The following SYCP1 variants were observed in gnomAD, a reference collection of about 807,000 sequenced individuals.
SYCP1 encodes the protein synaptonemal complex protein 1, also known as cancer/testis antigen 8.
SYCP1 carries 64 observed loss-of-function variants against 153.1 expected under a neutral mutation model. The ratio of observed to expected loss-of-function variants is 0.42; its 90% CI spans 0.34 to 0.51. The LOEUF (loss-of-function observed/expected upper bound fraction) is 0.51. Ranked by LOEUF, SYCP1 falls within the 20% of genes least tolerant of loss-of-function variation. The probability of loss-of-function intolerance (pLI) is 0.06; values close to 1 mark genes in which losing one functional copy is unlikely to be tolerated. For missense variants in SYCP1, 997 were observed against 1,049.0 expected (o/e 0.95, Z 0.68); for synonymous variants, 384 against 341.8 (o/e 1.12, Z -1.36).
chr1:114,943,363 G>T (rs1263534581), intron 23 of SYCP1, among the ~76,000 whole-genome samples: 2 of 151,716 alleles, frequency 1.3e-5, no homozygotes, highest in Non-Finnish European at 3.0e-5. Flanking sequence ...CTGAACAATT[G>T]ATTACATAAA....
At chr1:114,866,702 G>GT (rs1664769918) in intron 8 of SYCP1, among the ~76,000 whole-genome samples, 1 of 151,648 alleles carries the variant, frequency 6.6e-6, no homozygotes, top group Admixed American at 6.6e-5. Context: ...GAGAGCAGAA[G>GT]TTTTTAATTT....
At chr1:114,992,326 C>T (rs1673979308) in intron 30 of SYCP1, among the ~76,000 whole-genome samples, 2 of 151,396 alleles carry the variant, frequency 1.3e-5, no homozygotes, top group African/African-American at 4.8e-5. Context: ...TGCAAAGGGC[C>T]CCAAAAGGCT....
At chr1:114,963,163 T>C (rs142458120) in intron 27 of SYCP1, among the ~76,000 whole-genome samples, 145 of 152,316 alleles carry the variant, frequency 9.5e-4, no homozygotes, top group African/African-American at 3.3e-3. Flanking sequence ...TACGATCTTT[T>C]GCGATGAATT....
intron 27 of SYCP1, among the ~76,000 whole-genome samples, chr1:114,958,614 T>C (rs1256586320): frequency 6.6e-6 from 1 of 151,936 alleles, no homozygotes; most frequent in East Asian, 1.9e-4. Context: ...TTTTTATTAT[T>C]CAGTTTTAAA....
intron 9 of SYCP1, 140 bp downstream of exon 9, chr1:114,874,704 A>T (rs1407576223): frequency 5.7e-6 from 3 of 526,606 alleles, no homozygotes; most frequent in East Asian, 3.4e-5. Context: ...TCACTAATAA[A>T]ATTCCTAAGG....
intron 16 of SYCP1, among the ~76,000 whole-genome samples, chr1:114,901,094 C>T (rs1489634418): frequency 1.3e-5 from 2 of 152,080 alleles, no homozygotes; most frequent in East Asian, 1.9e-4. Context: ...TATGTAACTA[C>T]ATAGGCAGAA....
chr1:114,871,561 TTTTG>T (rs770983391), intron 8 of SYCP1, among the ~76,000 whole-genome samples: 5 of 152,100 alleles, frequency 3.3e-5, no homozygotes, highest in Admixed American at 2.6e-4. Context: ...GTTGCTATTT[TTTTG>T]TTTGTTTGTC....
chr1:114,858,848 G>T (rs915893256), intron 6 of SYCP1, 137 bp downstream of exon 6: 37 of 764,488 alleles, frequency 4.8e-5, no homozygotes, highest in Non-Finnish European at 7.7e-5. Flanking sequence ...CTTTTTAAAA[G>T]TTACATCAAT....
At chr1:114,960,975 T>C (rs555765966) in intron 27 of SYCP1, among the ~76,000 whole-genome samples, 13 of 152,222 alleles carry the variant, frequency 8.5e-5, no homozygotes, top group Non-Finnish European at 1.5e-4. Context: ...TGAATCCATC[T>C]GGTCCTGAAC....
intron 27 of SYCP1, among the ~76,000 whole-genome samples, chr1:114,952,305 C>T (rs1284107929): frequency 6.6e-6 from 1 of 152,326 alleles, no homozygotes; most frequent in African/African-American, 2.4e-5. Flanking sequence ...AGTTTCTCTG[C>T]ATCCTTACCA....
At chr1:114,858,283 G>A (rs1386350639) in intron 5 of SYCP1, among the ~76,000 whole-genome samples, 1 of 152,050 alleles carries the variant, frequency 6.6e-6, no homozygotes, top group Non-Finnish European at 1.5e-5. Flanking sequence ...GCCAGATTCT[G>A]TCACTAACTA....
At chr1:114,917,720 T>A (rs892946821) in intron 20 of SYCP1, among the ~76,000 whole-genome samples, 11 of 152,298 alleles carry the variant, frequency 7.2e-5, no homozygotes, top group African/African-American at 2.6e-4. Context: ...GATTTGCATT[T>A]CTCTGATGAT....
chr1:114,902,260 A>C (rs959840452), intron 16 of SYCP1, among the ~76,000 whole-genome samples: 1 of 152,208 alleles, frequency 6.6e-6, no homozygotes, highest in Non-Finnish European at 1.5e-5. Context: ...ATCCGAAGGA[A>C]AAAAGGCTTA....
intron 18 of SYCP1, 60 bp downstream of exon 18, chr1:114,911,642 TAAA>T: frequency 1.3e-6 from 1 of 773,278 alleles, no homozygotes; most frequent in Non-Finnish European, 1.8e-6. Context: ...TTTCTGATAA[TAAA>T]TAATAATTTA....
chr1:114,905,498 C>T (rs533801019), intron 16 of SYCP1, among the ~76,000 whole-genome samples: 2 of 152,222 alleles, frequency 1.3e-5, no homozygotes, highest in South Asian at 4.1e-4. Context: ...TTCTTGTACA[C>T]AAGGAACAAT....
Position 114,975,333 on chromosome 1 carries a change from AGT to A in SYCP1, c.2323-2199_2323-2198del, listed in dbSNP as rs10641182. Among the ~76,000 whole-genome samples the A allele has an allele frequency of 2.4e-3, 357 of 146,476 alleles. 1 individual carries two copies. Among genetic ancestry groups the A allele is most frequent in the South Asian group, 8.9e-3 (41 of 4,594 alleles). On this transcript the variant is annotated intron_variant, in intron 27 of 31. Coordinates refer to ENST00000369522, the MANE Select transcript of SYCP1 (RefSeq NM_003176.4). ...ATTTTCTTTCTTATTCTCTAAAGTA[AGT>A]GTGTGTGTGTGTGTGTGTGTGTGTC... is the stretch of plus-strand genomic sequence containing the variant.
Position 114,984,796 on chromosome 1 carries a change from A to T in SYCP1, c.2631A>T (p.Glu877Asp). 1 of 1,513,050 alleles carries T rather than the reference A, an allele frequency of 6.6e-7. No homozygotes were observed. The highest frequency in any genetic ancestry group is 8.8e-7 in the Non-Finnish European group (1 of 1,130,606). The allele number at this position is 1,513,050 out of a possible 1,614,324, so 93.7% of individuals were successfully genotyped here. Residue 877 changes from glutamate to aspartate, a missense_variant, in exon 30 of 32, where the codon GAA (glutamate) becomes GAT (aspartate). Physicochemically the swap from Glu to Asp is conservative, Grantham distance 45. Around this residue, in one of 2 missense-constraint regions of SYCP1, gnomAD observed 712 missense variants for 682.9 expected, o/e 1.04. Transcript: ENST00000369522. ...AAAACTTGAATATACCCATTGAAGA[A>T]AGTAAAAAAAAGAGAAAAATGGCCT... ...QRENLNIPIEESKKKRKMAFE... is the reference protein window; with the variant it reads ...QRENLNIPIEDSKKKRKMAFE...
chr1:114,887,522 A>C, intron 14 of SYCP1, 104 bp from the exon 15 acceptor site: 1 of 588,324 alleles, frequency 1.7e-6, no homozygotes, highest in East Asian at 3.1e-5. Flanking sequence ...CCAGTGGGTG[A>C]ATCTATTCTA....
chr1:114,942,635 G>A (rs72695819), intron 23 of SYCP1, among the ~76,000 whole-genome samples: 3,482 of 151,804 alleles, frequency 0.023, 56 homozygotes, highest in South Asian at 0.034. Context: ...CTATCTATAT[G>A]GAAAAATATG....
Sources: allele counts gnomAD v4.1 joint callset (sites outside exome capture counted in the v4.1 genomes callset), GRCh38; gene constraint gnomAD v4.1.1; regional missense constraint gnomAD v4.1.1; transcripts MANE v1.5; gene names NCBI Gene and HGNC (gene_info 2026-07-23, HGNC 2026-07-21).